The following GFM2 variants were observed in gnomAD, a reference collection of about 807,000 sequenced individuals.
GFM2 encodes the protein ribosome-releasing factor 2, mitochondrial.
GFM2 carries 72 observed loss-of-function variants against 95.4 expected under a neutral mutation model. The ratio of observed to expected loss-of-function variants is 0.76; its 90% confidence interval spans 0.62 to 0.92. The LOEUF (loss-of-function observed/expected upper bound fraction) is 0.92, where lower values mean the gene tolerates loss of function less well. Among genes scored for constraint, GFM2 ranks in the 40% least tolerant of loss-of-function variants. The pLI, the probability that GFM2 is intolerant of heterozygous loss-of-function variation, is 0.00. For synonymous variants in GFM2, 276 were observed against 317.5 expected, an observed-to-expected ratio of 0.87 and a Z score of 1.39; for missense variants, 825 against 924.1, an observed-to-expected ratio of 0.89 and a Z score of 1.39.
At chr5:74,743,767 G>A (rs1378836744) in intron 10 of GFM2, among the ~76,000 whole-genome samples, 2 of 152,122 alleles carry the variant, frequency 1.3e-5, no homozygotes, top group Non-Finnish European at 2.9e-5. Flanking sequence ...AACAAAGCGG[G>A]TAAGAGCTTT....
At position 74,733,018 on chromosome 5, in the gene GFM2, C is replaced by A. The variant is rs1386274949; in HGVS notation, c.1587+4G>T. 1.0e-5 allele frequency: 16 copies of A among 1,573,578 alleles called. No homozygotes were observed. The highest frequency in any genetic ancestry group is 1.4e-5 in the Non-Finnish European group (16 of 1,148,758). ...CTTCTGGAGTTTAGCAATAATATAC[C>A]TACTTGTCCAGAGTCAGGATCTAGC... is the stretch of plus-strand genomic sequence containing the variant. On this transcript the variant is annotated splice_donor_region_variant and intron_variant, in intron 16 of 20. Transcript: ENST00000296805.
intron 3 of GFM2, among the ~76,000 whole-genome samples, chr5:74,760,086 T>C (rs1022934347): frequency 3.3e-5 from 5 of 152,200 alleles, no homozygotes; most frequent in Non-Finnish European, 7.4e-5. Flanking sequence ...GGCAGTTACA[T>C]TTGTAAATTT....
intron 15 of GFM2, among the ~76,000 whole-genome samples, chr5:74,734,226 G>C (rs985488182): frequency 6.6e-6 from 1 of 151,914 alleles, no homozygotes; most frequent in Non-Finnish European, 1.5e-5. Flanking sequence ...GTGAAAAAAA[G>C]AATGTAAAAT....
Position 74,738,462 on chromosome 5 carries a change from G to A in GFM2, c.1220+40C>T, listed in dbSNP as rs78674702. 1.2e-5 allele frequency: 20 copies of A among 1,610,088 alleles called. No homozygotes were observed. In the African/African-American group the frequency reaches 2.7e-4, roughly 22 times the overall value. ...TGTTAGTAAAAGTATTTTTAAAGAA[G>A]TGCATACAGTTTTATAAAATAATCT... On this transcript the variant is annotated intron_variant, in intron 13 of 20. Coordinates refer to ENST00000296805, the MANE Select transcript of GFM2 (RefSeq NM_032380.5).
intron 10 of GFM2, among the ~76,000 whole-genome samples, chr5:74,742,958 C>T (rs1743186815): frequency 6.6e-6 from 1 of 152,244 alleles, no homozygotes; most frequent in Non-Finnish European, 1.5e-5. Context: ...TGAGCCACCA[C>T]ACCCAGCCCA....
At chr5:74,729,718 CCA>C (rs1009141366) in intron 17 of GFM2, among the ~76,000 whole-genome samples, 2 of 148,896 alleles carry the variant, frequency 1.3e-5, no homozygotes, top group African/African-American at 5.0e-5. Flanking sequence ...ACAAACCTTT[CCA>C]CACTTTCTTC....
In GFM2 at chr5:74,721,735, C is replaced by CA; in HGVS notation, c.2259dup (p.Ala754CysfsTer40). The CA allele has an allele frequency of 6.2e-7, 1 of 1,613,600 alleles. No homozygotes were observed. ...GCTTGATAAGTAGATAGTTCTAAGG[C>CA]AAAAGTAGCTGAGCCTGATGTTAGC... is the stretch of plus-strand genomic sequence containing the variant. On this transcript the variant is annotated frameshift_variant, in exon 21 of 21. Coordinates refer to ENST00000296805, the MANE Select transcript of GFM2 (RefSeq NM_032380.5). LOFTEE classifies it high-confidence loss of function.
At chr5:74,754,849 C>T (rs1743899952) in intron 5 of GFM2, among the ~76,000 whole-genome samples, 1 of 152,150 alleles carries the variant, frequency 6.6e-6, no homozygotes, top group South Asian at 2.1e-4. Flanking sequence ...GGCGCAGTGG[C>T]TCATGCATGT....
In GFM2 at chr5:74,733,032, T is replaced by C. The variant is rs1303882324; in HGVS notation, c.1577A>G (p.Asp526Gly). 1 of 1,604,946 alleles carries C rather than the reference T, an allele frequency of 6.2e-7. No homozygotes were observed. Among genetic ancestry groups the C allele is most frequent in the Non-Finnish European group, 8.5e-7 (1 of 1,174,524 alleles). The change falls in exon 16 of 21, where the codon GAC (aspartate) becomes GGC (glycine). Residue 526 changes from aspartate (D) to glycine (G), a missense_variant. By Grantham distance (94) the Asp-to-Gly change is moderately conservative. Coordinates refer to ENST00000296805, the MANE Select transcript of GFM2 (RefSeq NM_032380.5). ...CAATAATATACCTACTTGTCCAGAG[T>C]CAGGATCTAGCCTCACTTTCAAACT... ...DPSLKVRLDP[D>G]SGQTVLCGMG...
At chr5:74,747,343 G>A (rs938576460) in intron 8 of GFM2, among the ~76,000 whole-genome samples, 7 of 152,270 alleles carry the variant, frequency 4.6e-5, no homozygotes, top group South Asian at 2.1e-4. Context: ...TATCTTTAGC[G>A]ATGATGGGAA....
Position 74,767,066 on chromosome 5 carries a change from A to C in GFM2, c.-153T>G. The C allele has an allele frequency of 2.4e-6, 1 of 414,472 alleles. No homozygotes were observed. The highest frequency in any genetic ancestry group is 3.4e-5 in the South Asian group (1 of 29,018). The allele number at this position is 414,472 out of a possible 1,614,324, so 25.7% of individuals were successfully genotyped here. On this transcript the variant is annotated 5_prime_UTR_variant, in exon 1 of 21. Coordinates refer to ENST00000296805, the MANE Select transcript of GFM2 (RefSeq NM_032380.5). Reference sequence around the variant, plus strand: ...AGCCTAGGCAAAAGGCAATGTATCTAAACGAAAAGAAAATAGGCTTTCTCC... The same window carrying C: ...AGCCTAGGCAAAAGGCAATGTATCTCAACGAAAAGAAAATAGGCTTTCTCC...
rs1420170044 is a variant in GFM2 at position 74,760,889 on chromosome 5, C to CT, written c.148+12dup. The CT allele has an allele frequency of 2.0e-6, 3 of 1,536,908 alleles. No individual in the cohort carries two copies. Among genetic ancestry groups the CT allele is most frequent in the Middle Eastern group, 1.7e-4 (1 of 5,890 alleles). On this transcript the variant is annotated intron_variant, in intron 3 of 20. Transcript: ENST00000296805. ...ACAGCTTAGATAAAATTAGAAGACT[C>CT]TAACATTTGTACCTGGTAGAGAACT...
At chr5:74,757,416 A>G (rs936442106) in intron 5 of GFM2, among the ~76,000 whole-genome samples, 1 of 152,312 alleles carries the variant, frequency 6.6e-6, no homozygotes, top group Middle Eastern at 3.4e-3. Flanking sequence ...ATTACTGTAA[A>G]GCTTGATTTC....
chr5:74,753,690 A>G (rs557583291), intron 5 of GFM2, among the ~76,000 whole-genome samples: 1 of 152,354 alleles, frequency 6.6e-6, no homozygotes, highest in South Asian at 2.1e-4. Context: ...TAAAAAAATG[A>G]ACAAAGCCTC....
Position 74,725,701 on chromosome 5 carries a change from G to T in GFM2, c.1967C>A (p.Thr656Lys), listed in dbSNP as rs773947727. The change falls in exon 19 of 21, where the codon ACA (threonine) becomes AAA (lysine). Residue 656 changes from threonine (T) to lysine (K), a missense_variant. Physicochemically the swap from Thr to Lys is moderately conservative, Grantham distance 78. Transcript: ENST00000296805. Reference protein sequence around the residue: ...QDVAITLHSLTIHPGTSTTMI... With the variant: ...QDVAITLHSLKIHPGTSTTMI... ...AGTTGTGGAGGTGCCAGGATGAATT[G>T]TCAGGGAATGTAAAGTAATTGCTAC... 5.9e-5 allele frequency: 95 copies of T among 1,613,782 alleles called. No homozygotes were observed. Among genetic ancestry groups the T allele is most frequent in the Non-Finnish European group, 8.1e-5 (95 of 1,179,898 alleles).
intron 5 of GFM2, among the ~76,000 whole-genome samples, chr5:74,758,433 G>A (rs1744107736): frequency 6.6e-6 from 1 of 152,122 alleles, no homozygotes; most frequent in Admixed American, 6.5e-5. Context: ...TTCCTATGGG[G>A]CATGAATCTT....
At chr5:74,766,129 A>G (rs1744583819) in intron 1 of GFM2, among the ~76,000 whole-genome samples, 1 of 152,128 alleles carries the variant, frequency 6.6e-6, no homozygotes, top group African/African-American at 2.4e-5. Context: ...AACACGGTGA[A>G]ACCTCATCTC....
chr5:74,737,798 T>G (rs540046016), intron 14 of GFM2, among the ~76,000 whole-genome samples: 2 of 152,164 alleles, frequency 1.3e-5, no homozygotes, highest in Non-Finnish European at 1.5e-5. Flanking sequence ...AAATACAACA[T>G]CAAGTATTTT....
At chr5:74,728,054 CAAGTTAGACTTTTAA>C (rs1463746411) in intron 17 of GFM2, among the ~76,000 whole-genome samples, 1 of 152,172 alleles carries the variant, frequency 6.6e-6, no homozygotes. Context: ...TACTCTTCTA[CAAGTTAGACTTTTAA>C]AAGTTCCACA....
Sources: allele counts gnomAD v4.1 joint callset (sites outside exome capture counted in the v4.1 genomes callset), GRCh38; gene constraint gnomAD v4.1.1; transcripts MANE v1.5; gene names NCBI Gene and HGNC (gene_info 2026-07-23, HGNC 2026-07-21).